The following PNN variants were observed in gnomAD, a reference collection of about 807,000 sequenced individuals.
The protein encoded by PNN is pinin, desmosome associated protein, also known as pinin.
A neutral mutation model predicts 76.6 loss-of-function variants in PNN; 38 were observed. That is an observed-to-expected ratio of 0.50 (90% CI 0.38 to 0.65). The LOEUF is 0.65. Ranked by LOEUF, PNN falls within the 30% of genes least tolerant of loss-of-function variation. PNN has a pLI of 0.00. For synonymous variants in PNN, 366 were observed against 283.7 expected (o/e 1.29, Z -2.91); for missense variants, 873 against 874.1 (o/e 1.00, Z 0.02).
Position 39,180,597 on chromosome 14 carries a change from G to A in PNN, c.888G>A (p.Gln296=). 6.2e-7 allele frequency: 1 copy of A among 1,614,144 alleles called. No individual in the cohort carries two copies. The highest frequency in any genetic ancestry group is 8.5e-7 in the Non-Finnish European group (1 of 1,180,026). Residue 296 remains glutamine (Q), a synonymous_variant, in exon 9 of 9, where the codon CAG becomes CAA. Coordinates refer to ENST00000216832, the MANE Select transcript of PNN (RefSeq NM_002687.4). ...AATCAATGAAGGAAAAAGAGCATCA[G>A]GTGGTGCGTAATGAAGAACAGAAGG... ...RRQSMKEKEH[Q]VVRNEEQKAE...
At position 39,175,358 on chromosome 14, in the gene PNN, C is replaced by T; in HGVS notation, c.79C>T (p.Arg27Cys). The change falls in exon 1 of 9, where the codon CGC becomes TGC. Residue 27 changes from arginine (R) to cysteine (C), a missense_variant. By Grantham distance (180) the Arg-to-Cys change is radical. Coordinates refer to ENST00000216832, the MANE Select transcript of PNN (RefSeq NM_002687.4). ...ESLKNVDENI[R>C]KLTGRDPNDV... ...TCTTAAGAACGTGGATGAGAACATT[C>T]GCAAGCTCACCGGGCGGGATCCGAA... 1 of 1,612,312 alleles carries T rather than the reference C, an allele frequency of 6.2e-7. No individual in the cohort carries two copies. The highest frequency in any genetic ancestry group is 8.5e-7 in the Non-Finnish European group (1 of 1,178,790).
chr14:39,179,696 A>G (rs935269649), intron 8 of PNN, among the ~76,000 whole-genome samples: 3 of 152,050 alleles, frequency 2.0e-5, no homozygotes, highest in Non-Finnish European at 4.4e-5. Flanking sequence ...GATCGAGACC[A>G]TCCCGGCTAA....
chr14:39,177,698 G>A lies in PNN; in HGVS notation c.422+11G>A. On this transcript the variant is annotated intron_variant, in intron 5 of 8. Coordinates refer to ENST00000216832, the MANE Select transcript of PNN (RefSeq NM_002687.4). Reference sequence around the variant, plus strand: ...AAAGGGAAAGCAAAGGTATTTCCCTGGGGGAAAAAAACTCTAGTGAAATAA... The same window carrying A: ...AAAGGGAAAGCAAAGGTATTTCCCTAGGGGAAAAAAACTCTAGTGAAATAA... 4 of 1,586,984 alleles carry A rather than the reference G, an allele frequency of 2.5e-6. No homozygotes were observed. The highest frequency in any genetic ancestry group is 3.5e-6 in the Non-Finnish European group (4 of 1,155,496).
chr14:39,181,110 G>T lies in PNN; in HGVS notation c.1401G>T (p.Glu467Asp). 14 of 1,613,544 alleles carry T rather than the reference G, an allele frequency of 8.7e-6. No individual in the cohort carries two copies. The highest frequency in any genetic ancestry group is 1.0e-5 in the Non-Finnish European group (12 of 1,179,534). Residue 467 changes from glutamate to aspartate, a missense_variant, in exon 9 of 9, where the codon GAG becomes GAT. By Grantham distance (45) the Glu-to-Asp change is conservative (BLOSUM62 2). Coordinates refer to ENST00000216832, the MANE Select transcript of PNN (RefSeq NM_002687.4). ...AGGAAAAAGAAGAAAAAGAATCTGAGCCCCAACCTGAGCCTGTGGCTCAAC... is the reference window on the plus strand; with the variant it reads ...AGGAAAAAGAAGAAAAAGAATCTGATCCCCAACCTGAGCCTGTGGCTCAAC... Reference protein sequence around the residue: ...ESEEKEEKESEPQPEPVAQPQ... With the variant: ...ESEEKEEKESDPQPEPVAQPQ...
In PNN at chr14:39,183,126, G is replaced by A. The variant is rs1046426176; in HGVS notation, c.*1263G>A. 2.0e-5 allele frequency: 3 copies of A among 152,464 alleles called. No individual in the cohort carries two copies. The highest frequency in any genetic ancestry group is 6.5e-5 in the Admixed American group (1 of 15,280). The allele number at this position is 152,464 out of a possible 1,614,324, so 9.4% of individuals were successfully genotyped here. A position where few individuals can be genotyped will look rare whatever the true frequency, so the allele number is the denominator to read the frequency against. On this transcript the variant is annotated 3_prime_UTR_variant, in exon 9 of 9. Coordinates refer to ENST00000216832, the MANE Select transcript of PNN (RefSeq NM_002687.4). Reference sequence around the variant, plus strand: ...GAAGAAGTATTTCCAGTTAGTTTTTGTGTGTATATAACTCACTTGTGTAAG... The same window carrying A: ...GAAGAAGTATTTCCAGTTAGTTTTTATGTGTATATAACTCACTTGTGTAAG...
At chr14:39,179,282 C>G (rs770733487) in intron 7 of PNN, 36 bp downstream of exon 7, 6 of 1,609,178 alleles carry the variant, frequency 3.7e-6, no homozygotes, top group Non-Finnish European at 5.1e-6. Context: ...ATTGGTAATC[C>G]TTTGTGTTTA....
chr14:39,177,927 A>G lies in PNN; in HGVS notation c.498+11A>G, dbSNP rs764968215. The stretch of plus-strand genomic sequence containing the variant: ...GTTGCTACTGAAAGGGTATTTATCC[A>G]AGTTTTGTTTTGCATCATATATTTA... On this transcript the variant is annotated intron_variant, in intron 6 of 8. Coordinates refer to ENST00000216832, the MANE Select transcript of PNN (RefSeq NM_002687.4). 10 of 1,555,610 alleles carry G rather than the reference A, an allele frequency of 6.4e-6. No individual in the cohort carries two copies. In the Admixed American group the frequency reaches 1.7e-4, roughly 26 times the overall value.
chr14:39,180,391 T>C (rs1435027179), intron 8 of PNN, 112 bp from the exon 9 acceptor site: 2 of 1,203,752 alleles, frequency 1.7e-6, no homozygotes, highest in Admixed American at 3.3e-5. Context: ...GTCATAACTT[T>C]ACAAAAACAA....
rs755644560 is a variant in PNN, at chr14:39,181,608, T to A, written c.1899T>A (p.Ser633Arg). ...SSTSSSSESRSRSRGRGHNRD... is the reference protein window; with the variant it reads ...SSTSSSSESRRRSRGRGHNRD... ...CTAGTAGTAGTAGTGAGAGTAGAAG[T>A]CGGAGTAGGGGCCGGGGACATAATA... Residue 633 changes from serine to arginine, a missense_variant, in exon 9 of 9, where the codon AGT becomes AGA. By Grantham distance (110) the Ser-to-Arg change is moderately radical. Transcript: ENST00000216832. 3 of 1,613,842 alleles carry A rather than the reference T, an allele frequency of 1.9e-6. No individual in the cohort carries two copies. The highest frequency in any genetic ancestry group is 2.5e-6 in the Non-Finnish European group (3 of 1,179,964).
In PNN at chr14:39,176,507, T is replaced by G; in HGVS notation, c.186-20T>G. ...TATCTTGTATTTCAAGTGTTTTATGTTGAACATTTTAAATTTCAGGCGTGG... is the reference window on the plus strand; with the variant it reads ...TATCTTGTATTTCAAGTGTTTTATGGTGAACATTTTAAATTTCAGGCGTGG... On this transcript the variant is annotated intron_variant, in intron 2 of 8. Transcript: ENST00000216832. The G allele has an allele frequency of 3.8e-6, 6 of 1,567,956 alleles. No individual in the cohort carries two copies. Among genetic ancestry groups the G allele is most frequent in the Non-Finnish European group, 5.2e-6 (6 of 1,144,828 alleles).
intron 6 of PNN, among the ~76,000 whole-genome samples, chr14:39,178,566 C>CT (rs966858344): frequency 1.2e-4 from 18 of 148,012 alleles, no homozygotes; most frequent in South Asian, 2.2e-4. Context: ...ATGCAGATAC[C>CT]TTTTTTTTTT....
At chr14:39,175,511 G>A in intron 1 of PNN, 119 bp downstream of exon 1, 1 of 691,958 alleles carries the variant, frequency 1.4e-6, no homozygotes, top group Non-Finnish European at 2.6e-6. Context: ...AGGCCTGTTC[G>A]CGGGGCGGCG....
chr14:39,175,286 G>A lies in PNN; in HGVS notation c.7G>A (p.Val3Ile). MAVAVRTLQEQLE... is the reference protein window; with the variant it reads MAIAVRTLQEQLE... ...AGCCTGCCGCAGGGAGAAGATGGCG[G>A]TCGCCGTGAGAACTTTGCAGGAACA... Residue 3 changes from valine to isoleucine, a missense_variant, in exon 1 of 9, where the codon GTC (valine) becomes ATC (isoleucine). This residue lies in a region of PNN where 156 missense variants were observed against 161.7 expected (regional missense o/e 0.96). Transcript: ENST00000216832. The A allele has an allele frequency of 1.3e-6, 2 of 1,597,546 alleles. No individual in the cohort carries two copies. The highest frequency in any genetic ancestry group is 1.7e-6 in the Non-Finnish European group (2 of 1,168,600).
chr14:39,175,389 T>C lies in PNN; in HGVS notation c.110T>C (p.Val37Ala), dbSNP rs757344324. The C allele has an allele frequency of 6.3e-7, 1 of 1,591,126 alleles. No homozygotes were observed. Among genetic ancestry groups the C allele is most frequent in the Admixed American group, 1.7e-5 (1 of 59,858 alleles). ...RKLTGRDPND[V>A]RPIQARLLAL... is the part of the protein sequence containing the mutation. Reference sequence around the variant, plus strand: ...CTCACCGGGCGGGATCCGAATGACGTGAGGTAAGGGCCTAACGGGAACTCG... The same window carrying C: ...CTCACCGGGCGGGATCCGAATGACGCGAGGTAAGGGCCTAACGGGAACTCG... The change falls in exon 1 of 9, where the codon GTG becomes GCG. Residue 37 changes from valine (V) to alanine (A), a missense_variant. Val to Ala is a moderately conservative substitution (Grantham distance 64, BLOSUM62 0). Coordinates refer to ENST00000216832, the MANE Select transcript of PNN (RefSeq NM_002687.4).
chr14:39,179,695 C>T (rs1211491044), intron 8 of PNN, among the ~76,000 whole-genome samples: 2 of 151,828 alleles, frequency 1.3e-5, no homozygotes, highest in African/African-American at 2.4e-5. Context: ...AGATCGAGAC[C>T]ATCCCGGCTA....
chr14:39,177,946 A>T lies in PNN; in HGVS notation c.498+30A>T, dbSNP rs766286129. The T allele has an allele frequency of 2.3e-6, 3 of 1,332,910 alleles. No homozygotes were observed. In the South Asian group the frequency reaches 3.7e-5, roughly 16 times the overall value. 82.6% of individuals were successfully genotyped at this position (1,332,910 alleles called of 1,614,324 possible). A position where few individuals can be genotyped will look rare whatever the true frequency, so the allele number is the denominator to read the frequency against. On this transcript the variant is annotated intron_variant, in intron 6 of 8. Transcript: ENST00000216832. ...TTATCCAAGTTTTGTTTTGCATCAT[A>T]TATTTAAGTTATCAAAGTAGTAGAT...
In PNN at chr14:39,181,661, A is replaced by G; in HGVS notation, c.1952A>G (p.Asp651Gly). 1.9e-6 allele frequency: 3 copies of G among 1,614,114 alleles called. No homozygotes were observed. The highest frequency in any genetic ancestry group is 1.3e-5 in the African/African-American group (1 of 75,046). Reference protein sequence around the residue: ...NRDRKHRRSVDRKRRDTSGLE... With the variant: ...NRDRKHRRSVGRKRRDTSGLE... Reference sequence around the variant, plus strand: ...GATAGAAAGCACAGAAGGAGCGTGGATCGGAAGAGAAGGGATACTTCAGGA... The same window carrying G: ...GATAGAAAGCACAGAAGGAGCGTGGGTCGGAAGAGAAGGGATACTTCAGGA... The change falls in exon 9 of 9, where the codon GAT becomes GGT. Residue 651 changes from aspartate (D) to glycine (G), a missense_variant. Around this residue, in one of 3 missense-constraint regions of PNN, gnomAD observed 712 missense variants for 693.1 expected, o/e 1.03. Transcript: ENST00000216832.
At chr14:39,176,465 C>T (rs2053225191) in intron 2 of PNN, 62 bp from the exon 3 acceptor site, 7 of 1,254,624 alleles carry the variant, frequency 5.6e-6, no homozygotes, top group East Asian at 2.4e-5. Context: ...ATTCTCTTGT[C>T]AAATGGAAAT....
At chr14:39,180,241 A>G (rs1288452624) in intron 8 of PNN, among the ~76,000 whole-genome samples, 2 of 152,240 alleles carry the variant, frequency 1.3e-5, no homozygotes, top group Non-Finnish European at 2.9e-5. Flanking sequence ...TTCATCAGAC[A>G]TAAAGATTGA....
Sources: gnomAD v4.1 joint callset for allele counts (sites outside exome capture counted in the v4.1 genomes callset) on GRCh38, gnomAD v4.1.1 for gene constraint, gnomAD v4.1.1 regional missense constraint, MANE v1.5 for transcripts, NCBI Gene and HGNC (gene_info 2026-07-23, HGNC 2026-07-21) for gene names.